Variants in MGAT4C observed in about 807,000 individuals in gnomAD.
MGAT4C encodes the protein alpha-1,3-mannosyl-glycoprotein 4-beta-N-acetylglucosaminyltransferase C.
MGAT4C carries 19 observed loss-of-function variants against 40.1 expected under a neutral mutation model. That is an observed-to-expected ratio of 0.47 (90% CI 0.33 to 0.70). MGAT4C has a LOEUF of 0.70. Among genes scored for constraint, MGAT4C ranks in the 30% least tolerant of loss-of-function variants. MGAT4C has a pLI of 0.02. For missense variants in MGAT4C, 491 were observed against 563.2 expected, an observed-to-expected ratio of 0.87 and a Z score of 1.30; for synonymous variants, 181 against 187.1, an observed-to-expected ratio of 0.97 and a Z score of 0.27.
chr12:86,235,820 T>A (rs1951513105), intron 1 of MGAT4C, among the ~76,000 whole-genome samples: 4 of 152,026 alleles, frequency 2.6e-5, no homozygotes. Flanking sequence ...CAGTACTGAG[T>A]CTTACTTATT....
At chr12:86,770,519 T>TTTC (rs1951613523) in intron 1 of MGAT4C, among the ~76,000 whole-genome samples, 1 of 152,054 alleles carries the variant, frequency 6.6e-6, no homozygotes, top group Non-Finnish European at 1.5e-5. Flanking sequence ...ATATTAAATA[T>TTTC]TATACATGAT....
chr12:86,659,652 G>A (rs1258595301), intron 2 of MGAT4C, among the ~76,000 whole-genome samples: 2 of 151,942 alleles, frequency 1.3e-5, no homozygotes, highest in African/African-American at 4.8e-5. Flanking sequence ...AAAGAACTAG[G>A]GTTGAGATAG....
intron 2 of MGAT4C, among the ~76,000 whole-genome samples, chr12:86,025,580 C>T (rs1337460993): frequency 6.6e-6 from 1 of 151,470 alleles, no homozygotes; most frequent in African/African-American, 2.4e-5. Context: ...ATATTTATAA[C>T]ATAAAGATAG....
intron 3 of MGAT4C, among the ~76,000 whole-genome samples, chr12:86,353,758 G>A (rs541828378): frequency 1.3e-5 from 2 of 152,220 alleles, no homozygotes; most frequent in African/African-American, 2.4e-5. Context: ...AGATGCTTTT[G>A]TTATCTAAAG....
intron 1 of MGAT4C, among the ~76,000 whole-genome samples, chr12:86,071,389 A>G (rs1490010943): frequency 6.6e-6 from 1 of 152,088 alleles, no homozygotes; most frequent in African/African-American, 2.4e-5. Flanking sequence ...GAATAATACA[A>G]TAATATAAAT....
intron 2 of MGAT4C, among the ~76,000 whole-genome samples, chr12:86,659,036 A>AATGTGTAAT (rs1963917956): frequency 6.6e-6 from 1 of 152,144 alleles, no homozygotes; most frequent in Non-Finnish European, 1.5e-5. Flanking sequence ...AGCAATAATT[A>AATGTGTAAT]AATGTTTATT....
At chr12:86,347,498 C>T (rs962107546) in intron 3 of MGAT4C, among the ~76,000 whole-genome samples, 1 of 152,138 alleles carries the variant, frequency 6.6e-6, no homozygotes, top group African/African-American at 2.4e-5. Flanking sequence ...AGTCTCTGAG[C>T]ACCTTTGGAA....
chr12:86,386,273 T>G (rs953379880), intron 3 of MGAT4C, among the ~76,000 whole-genome samples: 1 of 152,302 alleles, frequency 6.6e-6, no homozygotes, highest in African/African-American at 2.4e-5. Context: ...TTCCAGGGAA[T>G]GCAGATGATA....
chr12:86,370,385 G>A (rs1488489905), intron 3 of MGAT4C, among the ~76,000 whole-genome samples: 1 of 152,058 alleles, frequency 6.6e-6, no homozygotes, highest in Non-Finnish European at 1.5e-5. Context: ...AAAATATCAA[G>A]AAGTGAGTAT....
In MGAT4C at chr12:85,979,380, A is replaced by T. The variant is rs140537872; in HGVS notation, c.1346T>A (p.Ile449Asn). 1 of 1,612,394 alleles carries T rather than the reference A, an allele frequency of 6.2e-7. No individual in the cohort carries two copies. Reference protein sequence around the residue: ...NFEMSGVNQKIPFDIHCMRIY... With the variant: ...NFEMSGVNQKNPFDIHCMRIY... Reference sequence around the variant, plus strand: ...CCTCATACAATGTATATCAAATGGAATTTTTTGATTTACACCTGACATTTC... The same window carrying T: ...CCTCATACAATGTATATCAAATGGATTTTTTTGATTTACACCTGACATTTC... The change falls in exon 5 of 5, where the codon ATT (isoleucine) becomes AAT (asparagine). Residue 449 changes from isoleucine (I) to asparagine (N), a missense_variant. Ile to Asn is a moderately radical substitution (Grantham distance 149). Coordinates refer to ENST00000611864, the MANE Select transcript of MGAT4C (RefSeq NM_001351288.2).
chr12:86,829,311 T>C (rs1444291074), intron 1 of MGAT4C, among the ~76,000 whole-genome samples: 4 of 151,730 alleles, frequency 2.6e-5, no homozygotes, highest in Non-Finnish European at 5.9e-5. Context: ...ATTTAACATA[T>C]GCATTTAATT....
At chr12:86,287,527 C>A (rs1953384001) in intron 4 of MGAT4C, among the ~76,000 whole-genome samples, 1 of 152,076 alleles carries the variant, frequency 6.6e-6, no homozygotes, top group African/African-American at 2.4e-5. Flanking sequence ...CCACCACAGG[C>A]CCCAGTGTGT....
chr12:86,801,812 TCATACCTAACCC>T (rs758629175), intron 1 of MGAT4C, among the ~76,000 whole-genome samples: 14,499 of 151,806 alleles, frequency 0.096, 939 homozygotes, highest in Non-Finnish European at 0.14. Flanking sequence ...GAAATGTCCA[TCATACCTAACCC>T]TAATTCTTCC....
intron 2 of MGAT4C, among the ~76,000 whole-genome samples, chr12:86,659,168 A>T (rs1384884799): frequency 6.6e-6 from 1 of 151,680 alleles, no homozygotes; most frequent in Non-Finnish European, 1.5e-5. Flanking sequence ...TTTTTATAGC[A>T]CTTTTTTTTC....
At chr12:86,008,388 A>C (rs1888111776) in intron 2 of MGAT4C, among the ~76,000 whole-genome samples, 1 of 151,942 alleles carries the variant, frequency 6.6e-6, no homozygotes, top group Non-Finnish European at 1.5e-5. Context: ...AAAATTTATT[A>C]TTAATAATTT....
chr12:86,450,883 T>C (rs1193706016), intron 2 of MGAT4C, among the ~76,000 whole-genome samples: 1 of 152,190 alleles, frequency 6.6e-6, no homozygotes, highest in African/African-American at 2.4e-5. Flanking sequence ...CATTTATGTA[T>C]TCATACTTTT....
intron 4 of MGAT4C, among the ~76,000 whole-genome samples, chr12:86,309,552 C>G (rs1954018323): frequency 6.6e-6 from 1 of 152,128 alleles, no homozygotes; most frequent in Non-Finnish European, 1.5e-5. Flanking sequence ...AGGTAACAGC[C>G]TAAATTCATG....
chr12:86,603,621 A>G (rs1442346342), intron 2 of MGAT4C, among the ~76,000 whole-genome samples: 2 of 125,642 alleles, frequency 1.6e-5, no homozygotes, highest in African/African-American at 6.1e-5. Context: ...TATATATTAT[A>G]TAGTCTATAG....
intron 1 of MGAT4C, among the ~76,000 whole-genome samples, chr12:86,825,506 A>G (rs1194947740): frequency 1.3e-5 from 2 of 151,552 alleles, no homozygotes; most frequent in African/African-American, 4.8e-5. Flanking sequence ...CAAATCAGAG[A>G]TCTTTATAAC....
Sources: allele counts gnomAD v4.1 joint callset (sites outside exome capture counted in the v4.1 genomes callset), GRCh38; gene constraint gnomAD v4.1.1; transcripts MANE v1.5; gene names NCBI Gene and HGNC (gene_info 2026-07-23, HGNC 2026-07-21).